The following EPS8 variants were observed in gnomAD, a reference collection of about 807,000 sequenced individuals.
EPS8 encodes EGFR pathway substrate 8, signaling adaptor.
In EPS8, 42 loss-of-function variants were observed where a neutral mutation model predicts 103.8. The observed-to-expected ratio is 0.40, with a 90% CI of 0.32 to 0.52. The LOEUF (loss-of-function observed/expected upper bound fraction) is 0.52, where lower values mean the gene tolerates loss of function less well. EPS8 is among the 20% of genes least tolerant of loss of function. The pLI is 0.40. For synonymous variants in EPS8, 344 were observed against 344.6 expected (o/e 1.00, Z 0.02); for missense variants, 969 against 1,005.1 (o/e 0.96, Z 0.49).
intron 6 of EPS8, among the ~76,000 whole-genome samples, chr12:15,667,325 A>G (rs188527934): frequency 5.9e-5 from 9 of 152,296 alleles, no homozygotes; most frequent in Non-Finnish European, 1.3e-4. Context: ...AGAGCATCTC[A>G]TCAGTTCCTT....
At chr12:15,708,533 A>G (rs1946419048) in intron 1 of EPS8, among the ~76,000 whole-genome samples, 1 of 152,232 alleles carries the variant, frequency 6.6e-6, no homozygotes, top group South Asian at 2.1e-4. Context: ...AACATGTGGC[A>G]AAGTGAGACA....
rs1447663801 is a variant in EPS8 at position 15,624,375 on chromosome 12, C to T, written c.2077G>A (p.Glu693Lys). ...CCAATGGTCAGTCTGTGGATGAGTT[C>T]ATCTTGCACTTCCTCCATCTGAGAT... ...RKSQMEEVQD[E>K]LIHRLTIGRS... Residue 693 changes from glutamate (E) to lysine (K), a missense_variant, in exon 19 of 21, where the codon GAA becomes AAA. Transcript: ENST00000281172. 2 of 1,579,576 alleles carry T rather than the reference C, an allele frequency of 1.3e-6. No homozygotes were observed. The highest frequency in any genetic ancestry group is 1.7e-6 in the Non-Finnish European group (2 of 1,159,010).
chr12:15,786,078 G>A (rs1947308045), intron 1 of EPS8, among the ~76,000 whole-genome samples: 1 of 151,900 alleles, frequency 6.6e-6, no homozygotes, highest in African/African-American at 2.4e-5. Context: ...TACTCCTTAA[G>A]TATAGGCTAT....
At chr12:15,699,933 ATCATGAGG>A (rs1358864252) in intron 1 of EPS8, among the ~76,000 whole-genome samples, 1 of 152,216 alleles carries the variant, frequency 6.6e-6, no homozygotes, top group Admixed American at 6.5e-5. Flanking sequence ...AAGTGGGCAG[ATCATGAGG>A]TCAGGAGTTC....
intron 8 of EPS8, chr12:15,662,332 T>C (rs1945620413): frequency 7.9e-7 from 1 of 1,261,168 alleles, no homozygotes; most frequent in Non-Finnish European, 1.0e-6. Flanking sequence ...TGATGTTAAT[T>C]TACCTTGTAA....
Position 15,704,299 on chromosome 12 carries a change from C to T in EPS8, c.-21-21327G>A, listed in dbSNP as rs901334594. ...CCCATGCTCATATCAACATTATTCA[C>T]GAGAGCCAAAAGGTAGATGCAACCC... On this transcript the variant is annotated intron_variant, in intron 1 of 20. Transcript: ENST00000281172. The surrounding 1 kb of genome is among the most constrained non-coding windows in gnomAD (Gnocchi z 4.6). Among the ~76,000 whole-genome samples the T allele has an allele frequency of 3.9e-5, 6 of 152,086 alleles. No homozygotes were observed. Among genetic ancestry groups the T allele is most frequent in the African/African-American group, 4.8e-5 (2 of 41,396 alleles).
intron 3 of EPS8, among the ~76,000 whole-genome samples, chr12:15,675,122 T>A (rs1804430720): frequency 2.0e-5 from 3 of 152,208 alleles, no homozygotes; most frequent in Non-Finnish European, 4.4e-5. Flanking sequence ...AAGAGTTGAA[T>A]CAAGCACTGT....
intron 1 of EPS8, among the ~76,000 whole-genome samples, chr12:15,719,497 A>T (rs1176124750): frequency 6.6e-6 from 1 of 152,236 alleles, no homozygotes; most frequent in African/African-American, 2.4e-5. Context: ...TCAGTGACAC[A>T]CAACAGAAAT....
rs1208256618 is a variant in EPS8 at position 15,767,987 on chromosome 12, C to T, written c.-22+21174G>A. Among the ~76,000 whole-genome samples, 10 of 152,158 alleles carry T rather than the reference C, an allele frequency of 6.6e-5. No homozygotes were observed. The highest frequency in any genetic ancestry group is 2.4e-5 in the African/African-American group (1 of 41,448). On this transcript the variant is annotated intron_variant, in intron 1 of 20. Coordinates refer to ENST00000281172, the MANE Select transcript of EPS8 (RefSeq NM_004447.6). The surrounding 1 kb of genome is among the most constrained non-coding windows in gnomAD (Gnocchi z 5.5). ...TATTACCTTAGAAACTGGAATTATG[C>T]TTTTCTTCCATTGCAGTTAAGAATT... is the stretch of plus-strand genomic sequence containing the variant.
At chr12:15,687,394 T>C (rs1946110962) in intron 1 of EPS8, among the ~76,000 whole-genome samples, 1 of 152,182 alleles carries the variant, frequency 6.6e-6, no homozygotes, top group African/African-American at 2.4e-5. Flanking sequence ...AGAAGAACAG[T>C]ATTTTCTCAA....
At chr12:15,786,135 A>G (rs866611307) in intron 1 of EPS8, among the ~76,000 whole-genome samples, 6 of 152,038 alleles carry the variant, frequency 3.9e-5, no homozygotes, top group Middle Eastern at 3.2e-3. Context: ...AGGTGGAGAA[A>G]AGTGGAAAAA....
chr12:15,665,683 A>T, intron 8 of EPS8, 73 bp downstream of exon 8: 1 of 1,545,640 alleles, frequency 6.5e-7, no homozygotes, highest in Non-Finnish European at 8.9e-7. Flanking sequence ...AATCAGCATC[A>T]GAATTTGAAA....
chr12:15,633,286 C>A (rs1007869010), intron 17 of EPS8, among the ~76,000 whole-genome samples: 5 of 152,172 alleles, frequency 3.3e-5, no homozygotes, highest in African/African-American at 1.2e-4. Context: ...GAATGTAATA[C>A]TTAGCACACA....
chr12:15,645,561 T>C (rs956178010), intron 15 of EPS8, among the ~76,000 whole-genome samples: 2 of 152,130 alleles, frequency 1.3e-5, no homozygotes, highest in African/African-American at 4.8e-5. Flanking sequence ...AATCAATAAA[T>C]GAAAGGTATA....
At chr12:15,649,317 A>C (rs1482370143) in intron 14 of EPS8, among the ~76,000 whole-genome samples, 1 of 152,224 alleles carries the variant, frequency 6.6e-6, no homozygotes, top group African/African-American at 2.4e-5. Flanking sequence ...ATACATTATA[A>C]AGTGAGTATA....
intron 3 of EPS8, chr12:15,672,435 AAAATT>A: frequency 2.5e-6 from 1 of 398,454 alleles, no homozygotes; most frequent in Non-Finnish European, 4.4e-6. Flanking sequence ...GATGCACTAC[AAAATT>A]CACTCTGTGC....
rs2136050049 is a variant in EPS8, at chr12:15,777,049, C to T, written c.-22+12112G>A. ...CATTCTTCAACTATTCTACTAACTG[C>T]CTGGCAGAGAGAAAAGATGAAAATA... On this transcript the variant is annotated intron_variant, in intron 1 of 20. Transcript: ENST00000281172. This position sits in a 1 kb window ranked among gnomAD's most constrained non-coding sequence, Gnocchi z 4.7. Among the ~76,000 whole-genome samples the T allele has an allele frequency of 6.6e-6, 1 of 152,148 alleles. No individual in the cohort carries two copies. Among genetic ancestry groups the T allele is most frequent in the Non-Finnish European group, 1.5e-5 (1 of 68,006 alleles).
At chr12:15,668,679 A>G (rs11056593) in intron 6 of EPS8, among the ~76,000 whole-genome samples, 30,250 of 152,148 alleles carry the variant, frequency 0.2, 3,779 homozygotes, top group Admixed American at 0.29. Flanking sequence ...CAAGTCACAT[A>G]ATTAAATGGT....
intron 1 of EPS8, among the ~76,000 whole-genome samples, chr12:15,718,515 A>G (rs1365344001): frequency 2.0e-5 from 3 of 152,216 alleles, no homozygotes; most frequent in African/African-American, 7.2e-5. Context: ...ATAGGTACAA[A>G]GAATTGAAGC....
Sources: allele counts gnomAD v4.1 joint callset (sites outside exome capture counted in the v4.1 genomes callset), GRCh38; gene constraint gnomAD v4.1.1; non-coding constraint Gnocchi (gnomAD v3.1); transcripts MANE v1.5; gene names NCBI Gene and HGNC (gene_info 2026-07-23, HGNC 2026-07-21).